KIAA1328: variants seen among roughly 807,000 people sequenced by gnomAD.
KIAA1328 encodes KIAA1328.
KIAA1328 carries 52 observed loss-of-function variants against 68.1 expected under a neutral mutation model. The ratio of observed to expected loss-of-function variants is 0.76; its 90% CI spans 0.61 to 0.96. KIAA1328 has a LOEUF of 0.96. KIAA1328 is among the 40% of genes least tolerant of loss of function. The pLI is 0.00. For synonymous variants in KIAA1328, 232 were observed against 239.4 expected, an observed-to-expected ratio of 0.97 and a Z score of 0.28; for missense variants, 641 against 677.6, an observed-to-expected ratio of 0.95 and a Z score of 0.60.
intron 7 of KIAA1328, among the ~76,000 whole-genome samples, chr18:37,101,711 A>G (rs2057623902): frequency 6.6e-6 from 1 of 152,232 alleles, no homozygotes; most frequent in Non-Finnish European, 1.5e-5. Flanking sequence ...AAGACACATA[A>G]TTGTCAGATT....
chr18:36,870,841 G>A (rs1218542997), intron 4 of KIAA1328, among the ~76,000 whole-genome samples: 4 of 152,126 alleles, frequency 2.6e-5, no homozygotes, highest in South Asian at 2.1e-4. Context: ...ACCTTGACAC[G>A]TATGTGTTTT....
At chr18:36,867,777 A>T (rs1333570871) in intron 4 of KIAA1328, among the ~76,000 whole-genome samples, 1 of 152,238 alleles carries the variant, frequency 6.6e-6, no homozygotes, top group Non-Finnish European at 1.5e-5. Context: ...TAAATTTTAG[A>T]ATTGGTATAC....
chr18:37,076,547 T>C (rs938822407), intron 7 of KIAA1328, among the ~76,000 whole-genome samples: 16 of 151,776 alleles, frequency 1.1e-4, no homozygotes, highest in Non-Finnish European at 1.8e-4. Flanking sequence ...ATCCAGGAGC[T>C]GGTTTTTTGA....
chr18:37,193,353 C>T (rs527476668), intron 9 of KIAA1328, among the ~76,000 whole-genome samples: 1 of 152,124 alleles, frequency 6.6e-6, no homozygotes, highest in African/African-American at 2.4e-5. Context: ...ATATGGGTTA[C>T]AGCATAATGT....
intron 9 of KIAA1328, among the ~76,000 whole-genome samples, chr18:37,185,605 C>T (rs1005197743): frequency 6.6e-6 from 1 of 152,004 alleles, no homozygotes; most frequent in Non-Finnish European, 1.5e-5. Flanking sequence ...ATGGAGAAGA[C>T]ATAGAATAAA....
rs139921449 is a variant in KIAA1328, at chr18:36,871,513, T to C, written c.333-14044T>C. 2.8e-3 allele frequency among the ~76,000 whole-genome samples: 426 copies of C among 152,252 alleles called. 1 individual carries two copies. The highest frequency in any genetic ancestry group is 6.3e-3 in the Admixed American group (97 of 15,292). On this transcript the variant is annotated intron_variant, in intron 4 of 9. Coordinates refer to ENST00000280020, the MANE Select transcript of KIAA1328 (RefSeq NM_020776.3). ...TAGTTCTATTGATTATAATCTAATATTGTTATTTATTTTGTTGCTAAAATT... is the reference window on the plus strand; with the variant it reads ...TAGTTCTATTGATTATAATCTAATACTGTTATTTATTTTGTTGCTAAAATT...
At chr18:37,156,598 A>G (rs1314350979) in intron 7 of KIAA1328, among the ~76,000 whole-genome samples, 1 of 152,162 alleles carries the variant, frequency 6.6e-6, no homozygotes, top group East Asian at 1.9e-4. Context: ...TCAATATCTG[A>G]TGAATATATA....
chr18:37,049,568 C>T (rs1599082207), intron 6 of KIAA1328, among the ~76,000 whole-genome samples: 1 of 152,132 alleles, frequency 6.6e-6, no homozygotes, highest in South Asian at 2.1e-4. Flanking sequence ...CAAGGAAAGG[C>T]TAACCCTCCA....
At chr18:37,142,438 C>T (rs1216847124) in intron 7 of KIAA1328, among the ~76,000 whole-genome samples, 2 of 152,108 alleles carry the variant, frequency 1.3e-5, no homozygotes, top group East Asian at 1.9e-4. Flanking sequence ...GTGATCGATC[C>T]ACCCACCTCA....
At chr18:36,954,844 A>T (rs1568210743) in intron 5 of KIAA1328, among the ~76,000 whole-genome samples, 1 of 151,032 alleles carries the variant, frequency 6.6e-6, no homozygotes, top group Non-Finnish European at 1.5e-5. Context: ...ACAGGCGCCC[A>T]CCACCATGCC....
chr18:37,073,847 A>C (rs190980534), intron 7 of KIAA1328, among the ~76,000 whole-genome samples: 7 of 152,236 alleles, frequency 4.6e-5, no homozygotes, highest in Admixed American at 4.6e-4. Flanking sequence ...GATAATACCA[A>C]CGTTTATGTG....
intron 7 of KIAA1328, among the ~76,000 whole-genome samples, chr18:37,101,020 A>T (rs1230385949): frequency 6.6e-5 from 10 of 152,188 alleles, no homozygotes; most frequent in Non-Finnish European, 1.3e-4. Context: ...CCCCATCTGT[A>T]CGTCACCATC....
chr18:36,928,541 A>G (rs927288206), intron 5 of KIAA1328, among the ~76,000 whole-genome samples: 1 of 152,204 alleles, frequency 6.6e-6, no homozygotes, highest in Non-Finnish European at 1.5e-5. Context: ...CAAGTCTCAC[A>G]AATGTGAAAT....
At chr18:37,051,870 C>T (rs1031589393) in intron 6 of KIAA1328, among the ~76,000 whole-genome samples, 1 of 152,024 alleles carries the variant, frequency 6.6e-6, no homozygotes. Context: ...GGTGAAACCC[C>T]ATCTCTACTA....
At chr18:36,969,672 C>T (rs908692534) in intron 6 of KIAA1328, among the ~76,000 whole-genome samples, 5 of 152,132 alleles carry the variant, frequency 3.3e-5, no homozygotes, top group Admixed American at 2.0e-4. Flanking sequence ...ATCTCAAGAC[C>T]AGATAAATTC....
intron 5 of KIAA1328, among the ~76,000 whole-genome samples, chr18:36,917,289 G>C (rs1038284776): frequency 1.3e-5 from 2 of 152,044 alleles, no homozygotes; most frequent in Non-Finnish European, 2.9e-5. Flanking sequence ...TTAAGAGGCA[G>C]GGTCTTGCTA....
intron 8 of KIAA1328, among the ~76,000 whole-genome samples, chr18:37,172,717 A>G (rs911423681): frequency 8.5e-5 from 13 of 152,236 alleles, no homozygotes; most frequent in Non-Finnish European, 1.5e-4. Flanking sequence ...GGGCTTTGCT[A>G]GGCAATCAGG....
chr18:37,133,000 C>A (rs1371590796), intron 7 of KIAA1328, among the ~76,000 whole-genome samples: 2 of 152,144 alleles, frequency 1.3e-5, no homozygotes, highest in Non-Finnish European at 2.9e-5. Flanking sequence ...AAAATTCTAT[C>A]CTGTTTGGTT....
intron 9 of KIAA1328, among the ~76,000 whole-genome samples, chr18:37,194,961 G>A (rs1241267465): frequency 6.6e-6 from 1 of 152,106 alleles, no homozygotes; most frequent in South Asian, 2.1e-4. Context: ...CCCAGCCTAT[G>A]GTTGCTTTTT....
Sources: allele counts gnomAD v4.1 joint callset (sites outside exome capture counted in the v4.1 genomes callset), GRCh38; gene constraint gnomAD v4.1.1; transcripts MANE v1.5; gene names NCBI Gene and HGNC (gene_info 2026-07-23, HGNC 2026-07-21).